Variants in ATP2B1 observed in about 807,000 individuals in gnomAD.
ATP2B1 encodes the protein plasma membrane calcium-transporting ATPase 1.
A neutral mutation model predicts 124.2 loss-of-function variants in ATP2B1; 14 were observed. That is an observed-to-expected ratio of 0.11 (90% confidence interval 0.07 to 0.18). ATP2B1 has a LOEUF of 0.18. ATP2B1 is among the 10% of genes least tolerant of loss of function. ATP2B1 has a pLI of 1.00. For synonymous variants in ATP2B1, 449 were observed against 492.4 expected, an observed-to-expected ratio of 0.91 and a Z score of 1.17; for missense variants, 763 against 1,466.1, an observed-to-expected ratio of 0.52 and a Z score of 7.83.
At chr12:89,592,372 T>A (rs1199804141) in intron 20 of ATP2B1, among the ~76,000 whole-genome samples, 1 of 152,026 alleles carries the variant, frequency 6.6e-6, no homozygotes, top group Non-Finnish European at 1.5e-5. Context: ...ACTTTGACAT[T>A]CTAGAAAAAA....
intron 20 of ATP2B1, among the ~76,000 whole-genome samples, chr12:89,595,748 G>A (rs979687793): frequency 2.0e-5 from 3 of 151,978 alleles, no homozygotes; most frequent in African/African-American, 4.8e-5. Flanking sequence ...GACATTTATG[G>A]TAACAGCAAC....
intron 1 of ATP2B1, among the ~76,000 whole-genome samples, chr12:89,694,454 T>TG (rs34308629): frequency 1.6e-4 from 24 of 152,208 alleles, no homozygotes; most frequent in East Asian, 9.7e-4. Context: ...TATCTGCTTA[T>TG]GGGGGGGTTA....
chr12:89,682,434 T>C (rs1296872429), intron 1 of ATP2B1, among the ~76,000 whole-genome samples: 2 of 152,144 alleles, frequency 1.3e-5, no homozygotes, highest in African/African-American at 2.4e-5. Context: ...ATGATGGAAA[T>C]ATTAGCTCTA....
Position 89,621,780 on chromosome 12 carries a change from T to C in ATP2B1, c.1356A>G (p.Lys452=). 6.5e-7 allele frequency: 1 copy of C among 1,545,342 alleles called. No homozygotes were observed. The highest frequency in any genetic ancestry group is 8.7e-7 in the Non-Finnish European group (1 of 1,153,522). Residue 452 remains lysine (K), a synonymous_variant, in exon 10 of 21, where the codon AAA becomes AAG. Coordinates refer to ENST00000428670, the MANE Select transcript of ATP2B1 (RefSeq NM_001366521.1). ...CCAGATGCCTTACTAAGTTATTATC[T>C]TTCATCATTTTCTACAGTGACCAAA... The part of the protein sequence containing the change: ...SLAYSVKKMM[K]DNNLVRHLDA...
At chr12:89,616,685 A>C (rs1311894155) in intron 12 of ATP2B1, 117 bp downstream of exon 12, 6 of 953,306 alleles carry the variant, frequency 6.3e-6, no homozygotes, top group Non-Finnish European at 9.3e-6. Flanking sequence ...GGGTTCACAC[A>C]GAAAAAAAAA....
chr12:89,662,021 A>G (rs937616960), intron 1 of ATP2B1, among the ~76,000 whole-genome samples: 4 of 152,214 alleles, frequency 2.6e-5, no homozygotes, highest in Admixed American at 1.3e-4. Context: ...AGTATACCAC[A>G]TAATTGAGCC....
intron 12 of ATP2B1, among the ~76,000 whole-genome samples, chr12:89,613,162 G>A (rs1878350982): frequency 6.6e-6 from 1 of 151,890 alleles, no homozygotes; most frequent in Non-Finnish European, 1.5e-5. Context: ...TGTATTTTTG[G>A]TAGAGATGGG....
chr12:89,652,043 C>G (rs1021287201), intron 2 of ATP2B1, among the ~76,000 whole-genome samples: 10 of 152,110 alleles, frequency 6.6e-5, no homozygotes, highest in Non-Finnish European at 1.0e-4. Flanking sequence ...TATCGACACC[C>G]CCAATATTTC....
intron 12 of ATP2B1, chr12:89,611,598 T>A (rs1346901116): frequency 7.8e-6 from 3 of 385,888 alleles, no homozygotes; most frequent in African/African-American, 6.2e-5. Flanking sequence ...TCGTTTTCAG[T>A]TGTCATCTAC....
Position 89,646,751 on chromosome 12 carries a change from C to T in ATP2B1, c.209-4396G>A, listed in dbSNP as rs1460418840. The stretch of plus-strand genomic sequence containing the variant: ...GGAATGAGCAAGTGGCAACAGTAAG[C>T]ATAGCTAACTTTTTCCAAGAGTGTG... On this transcript the variant is annotated intron_variant, in intron 2 of 20. Coordinates refer to ENST00000428670, the MANE Select transcript of ATP2B1 (RefSeq NM_001366521.1). Among the ~76,000 whole-genome samples, 3 of 152,028 alleles carry T rather than the reference C, an allele frequency of 2.0e-5. No homozygotes were observed. In the East Asian group the frequency reaches 5.8e-4, roughly 29 times the overall value.
chr12:89,677,954 T>TTATATATATATATATATATATATATATA (rs61256358), intron 1 of ATP2B1, among the ~76,000 whole-genome samples: 2 of 68,762 alleles, frequency 2.9e-5, no homozygotes, highest in African/African-American at 1.3e-4. Context: ...CATGCAGGAA[T>TTATATATATATATATATATATATATATA]TATATATATA....
At chr12:89,683,457 G>A (rs1889602219) in intron 1 of ATP2B1, among the ~76,000 whole-genome samples, 1 of 152,218 alleles carries the variant, frequency 6.6e-6, no homozygotes, top group Non-Finnish European at 1.5e-5. Context: ...ATTCCGTAAA[G>A]AAGCGTAAGC....
intron 1 of ATP2B1, among the ~76,000 whole-genome samples, chr12:89,674,002 G>A (rs1025050016): frequency 2.6e-5 from 4 of 152,114 alleles, no homozygotes; most frequent in Non-Finnish European, 5.9e-5. Context: ...TTCTGAAGAG[G>A]TGAAGACTGA....
chr12:89,598,775 T>C (rs1211175936), intron 20 of ATP2B1: 2 of 1,612,170 alleles, frequency 1.2e-6, no homozygotes, highest in East Asian at 2.2e-5. Context: ...GACAGCTTGC[T>C]CAGCAAGAGA....
In ATP2B1 at chr12:89,601,325, C is replaced by G; in HGVS notation, c.3168+1G>C. The G allele has an allele frequency of 6.5e-7, 1 of 1,547,650 alleles. No homozygotes were observed. Among genetic ancestry groups the G allele is most frequent in the Non-Finnish European group, 8.7e-7 (1 of 1,153,862 alleles). On this transcript the variant is annotated splice_donor_variant, in intron 19 of 20. Transcript: ENST00000428670. LOFTEE classifies it high-confidence loss of function. ...TAAACAAAAACTGATGAAATTTTTA[C>G]CTGGCCCCAGAGTAATGTTCCCATT...
At chr12:89,619,389 A>T (rs966331674) in intron 11 of ATP2B1, among the ~76,000 whole-genome samples, 21 of 152,248 alleles carry the variant, frequency 1.4e-4, no homozygotes, top group Non-Finnish European at 2.4e-4. Flanking sequence ...ACACAGGCAG[A>T]TTACTTGAGG....
At chr12:89,690,074 C>T (rs1267599183) in intron 1 of ATP2B1, among the ~76,000 whole-genome samples, 2 of 152,010 alleles carry the variant, frequency 1.3e-5, no homozygotes, top group African/African-American at 4.8e-5. Context: ...TAAGCTTTTA[C>T]TGAATAGCTA....
chr12:89,666,576 G>A (rs758469721), intron 1 of ATP2B1, among the ~76,000 whole-genome samples: 5 of 152,112 alleles, frequency 3.3e-5, no homozygotes, highest in Non-Finnish European at 5.9e-5. Context: ...AATGGTCAGC[G>A]ACTCCAGTTT....
chr12:89,634,863 G>A lies in ATP2B1; in HGVS notation c.702C>T (p.Asn234=), dbSNP rs977758419. The A allele has an allele frequency of 6.8e-6, 11 of 1,612,884 alleles. No homozygotes were observed. The South Asian group carries it at 9.9e-5, about 15-fold the overall frequency. ...LPADGILIQG[N]DLKIDESSLT... ...ATGAGCTTTCATCAATTTTAAGATC[G>A]TTGCCTTGAATAAGTATGCCGTCAG... The change falls in exon 5 of 21, where the codon AAC becomes AAT. Residue 234 remains asparagine, a synonymous_variant. Coordinates refer to ENST00000428670, the MANE Select transcript of ATP2B1 (RefSeq NM_001366521.1).
Sources: allele counts gnomAD v4.1 joint callset (sites outside exome capture counted in the v4.1 genomes callset), GRCh38; gene constraint gnomAD v4.1.1; transcripts MANE v1.5; gene names NCBI Gene and HGNC (gene_info 2026-07-23, HGNC 2026-07-21).